Variants in CASK observed in about 807,000 individuals in gnomAD.
The protein encoded by CASK is calcium/calmodulin dependent serine protein kinase.
Under a neutral mutation model 82.9 loss-of-function variants are expected in CASK, and 4 were observed. The observed-to-expected ratio is 0.05, with a 90% CI of 0.02 to 0.11. The LOEUF (loss-of-function observed/expected upper bound fraction) is 0.11, where lower values mean the gene tolerates loss of function less well. CASK is among the 10% of genes least tolerant of loss of function. The pLI, the probability that CASK is intolerant of heterozygous loss-of-function variation, is 1.00. For synonymous variants in CASK, 259 were observed against 253.5 expected (o/e 1.02, Z -0.20); for missense variants, 358 against 720.9 (o/e 0.50, Z 5.76).
intron 3 of CASK, among the ~76,000 whole-genome samples, chrX:41,771,529 A>T (rs2069244599): frequency 8.9e-6 from 1 of 111,885 alleles, no homozygotes; most frequent in Non-Finnish European, 1.9e-5. Flanking sequence ...TACATGAAAA[A>T]CATAGCCTAA....
intron 2 of CASK, among the ~76,000 whole-genome samples, chrX:41,827,541 C>T (rs1426053819): frequency 3.6e-5 from 4 of 111,896 alleles, no homozygotes; most frequent in African/African-American, 6.5e-5. Context: ...CTTCCAAAGG[C>T]GCCATCTTCT....
intron 1 of CASK, among the ~76,000 whole-genome samples, chrX:41,878,040 T>C (rs1356815399): frequency 9.8e-6 from 1 of 101,999 alleles, no homozygotes; most frequent in Non-Finnish European, 2.1e-5. Flanking sequence ...GGTGTGAAGA[T>C]ATGTTTTAAA....
intron 11 of CASK, among the ~76,000 whole-genome samples, chrX:41,615,088 G>A (rs981607402): frequency 2.8e-4 from 31 of 112,019 alleles, no homozygotes; most frequent in Admixed American, 9.5e-5. Context: ...TTACAGGTGT[G>A]AGCCACCATG....
chrX:41,751,824 GC>G (rs1193090947), intron 3 of CASK, among the ~76,000 whole-genome samples: 4 of 110,924 alleles, frequency 3.6e-5, no homozygotes, highest in Non-Finnish European at 7.6e-5. Flanking sequence ...CAGGCAGATT[GC>G]TTGAGCACAA....
chrX:41,904,391 A>G (rs984574994), intron 1 of CASK, among the ~76,000 whole-genome samples: 1 of 111,970 alleles, frequency 8.9e-6, no homozygotes, highest in East Asian at 2.8e-4. Flanking sequence ...ACTAACAACA[A>G]TCAATCAGAA....
At chrX:41,675,301 G>C (rs1222062582) in intron 5 of CASK, among the ~76,000 whole-genome samples, 3 of 111,914 alleles carry the variant, frequency 2.7e-5, no homozygotes, top group Non-Finnish European at 5.6e-5. Flanking sequence ...TGGTATCCAT[G>C]GGGTATGTTT....
intron 11 of CASK, among the ~76,000 whole-genome samples, chrX:41,612,055 C>A (rs1459600522): frequency 8.9e-6 from 1 of 112,332 alleles, no homozygotes; most frequent in Non-Finnish European, 1.9e-5. Flanking sequence ...GCTACAACCT[C>A]CACCTCCCAG....
chrX:41,733,160 A>G (rs1317138198), intron 5 of CASK, among the ~76,000 whole-genome samples: 2 of 81,112 alleles, frequency 2.5e-5, no homozygotes, highest in African/African-American at 4.9e-5. Flanking sequence ...TGGGCAACAG[A>G]GCGAGATTCC....
At chrX:41,887,217 A>G (rs1601941336) in intron 1 of CASK, among the ~76,000 whole-genome samples, 1 of 108,914 alleles carries the variant, frequency 9.2e-6, no homozygotes, top group South Asian at 4.0e-4. Context: ...CATCATAGGT[A>G]CATCCCAAAC....
At chrX:41,528,076 G>T (rs1398739634) in intron 25 of CASK, among the ~76,000 whole-genome samples, 5 of 112,135 alleles carry the variant, frequency 4.5e-5, no homozygotes, top group Non-Finnish European at 3.8e-5. Flanking sequence ...TACTGTAAAA[G>T]AATAAAAATT....
chrX:41,601,617 G>A (rs752084005), intron 12 of CASK, among the ~76,000 whole-genome samples: 1 of 111,484 alleles, frequency 9.0e-6, no homozygotes, highest in Non-Finnish European at 1.9e-5. Flanking sequence ...TGGGATGATA[G>A]TAAATTTATA....
chrX:41,774,100 G>A (rs1455618787), intron 3 of CASK, among the ~76,000 whole-genome samples: 1 of 111,452 alleles, frequency 9.0e-6, no homozygotes, highest in Non-Finnish European at 1.9e-5. Flanking sequence ...GGGCAATTAG[G>A]CAGGAGAAGG....
intron 1 of CASK, among the ~76,000 whole-genome samples, chrX:41,905,537 A>G (rs769248898): frequency 8.9e-6 from 1 of 112,915 alleles, no homozygotes; most frequent in South Asian, 3.6e-4. Flanking sequence ...TTTTGGAGAA[A>G]TGTCTGTTCA....
chrX:41,904,389 C>T (rs1340479756), intron 1 of CASK, among the ~76,000 whole-genome samples: 1 of 111,660 alleles, frequency 9.0e-6, no homozygotes, highest in Non-Finnish European at 1.9e-5. Flanking sequence ...ATACTAACAA[C>T]AATCAATCAG....
intron 24 of CASK, among the ~76,000 whole-genome samples, chrX:41,532,267 A>C (rs1436896424): frequency 8.9e-6 from 1 of 112,225 alleles, no homozygotes; most frequent in Non-Finnish European, 1.9e-5. Flanking sequence ...ACAAAGTTTT[A>C]CTGGAACACA....
chrX:41,691,840 C>CAA (rs397895684), intron 5 of CASK, among the ~76,000 whole-genome samples: 1,219 of 28,105 alleles, frequency 0.043, 196 homozygotes, highest in African/African-American at 0.12. Flanking sequence ...GACTCTGTCT[C>CAA]AAAAAAAAAA....
chrX:41,596,851 T>C (rs1442249736), intron 12 of CASK, among the ~76,000 whole-genome samples: 1 of 111,971 alleles, frequency 8.9e-6, no homozygotes, highest in Non-Finnish European at 1.9e-5. Context: ...TTCATTCATC[T>C]TTCTGTCTTA....
intron 1 of CASK, among the ~76,000 whole-genome samples, chrX:41,873,220 A>G (rs1486202142): frequency 9.6e-6 from 1 of 103,746 alleles, no homozygotes; most frequent in African/African-American, 3.6e-5. Flanking sequence ...CTCTGACTCC[A>G]TTCAAGGAAC....
intron 25 of CASK, among the ~76,000 whole-genome samples, chrX:41,525,057 A>C (rs932793593): frequency 2.7e-5 from 3 of 111,380 alleles, no homozygotes; most frequent in Non-Finnish European, 5.7e-5. Context: ...TGCCCAGCTT[A>C]TTGTAATAGT....
Sources: allele counts gnomAD v4.1 joint callset (sites outside exome capture counted in the v4.1 genomes callset), GRCh38; gene constraint gnomAD v4.1.1; transcripts MANE v1.5; gene names NCBI Gene and HGNC (gene_info 2026-07-23, HGNC 2026-07-21).